DNAJB5: variants seen among roughly 807,000 people sequenced by gnomAD.
DNAJB5 encodes DnaJ heat shock protein family (Hsp40) member B5, also known as dnaJ homolog subfamily B member 5.
In DNAJB5, 12 loss-of-function variants were observed where a neutral mutation model predicts 32.6. The observed-to-expected ratio is 0.37, with a 90% CI of 0.24 to 0.60. The LOEUF (loss-of-function observed/expected upper bound fraction) is 0.60. Ranked by LOEUF, DNAJB5 falls within the 20% of genes least tolerant of loss-of-function variation. The probability of loss-of-function intolerance (pLI) is 0.71; values close to 1 mark genes in which losing one functional copy is unlikely to be tolerated. For synonymous variants in DNAJB5, 188 were observed against 212.9 expected (o/e 0.88, Z 1.02); for missense variants, 358 against 554.2 (o/e 0.65, Z 3.55).
Position 34,989,830 on chromosome 9 carries a change from C to T in DNAJB5, c.-134C>T, listed in dbSNP as rs932218405. The T allele has an allele frequency of 2.0e-5, 25 of 1,233,798 alleles. No homozygotes were observed. In the African/African-American group the frequency reaches 2.2e-4, roughly 11 times the overall value. The allele number at this position is 1,233,798 out of a possible 1,614,324, so 76.4% of individuals were successfully genotyped here. On this transcript the variant is annotated splice_region_variant and 5_prime_UTR_variant, in exon 1 of 5. Transcript: ENST00000682809. ...CACGGCGGCGCCCGCAGCTCCTCAC[C>T]GGTGAGGGCGCCAAGCCAGGACTCG...
chr9:34,995,376 C>A (rs987541270), intron 3 of DNAJB5, among the ~76,000 whole-genome samples: 8 of 152,190 alleles, frequency 5.3e-5, no homozygotes, highest in African/African-American at 1.7e-4. Flanking sequence ...CCAGCACCCC[C>A]TCCTGTGCAT....
At chr9:34,992,673 T>C (rs1041431703) in intron 2 of DNAJB5, 4 of 541,708 alleles carry the variant, frequency 7.4e-6, no homozygotes, top group African/African-American at 6.2e-5. Context: ...CAGACACCCA[T>C]TCCCTGACTC....
Position 34,997,158 on chromosome 9 carries a change from A to G in DNAJB5, c.1162A>G (p.Thr388Ala), listed in dbSNP as rs1193212132. The G allele has an allele frequency of 6.2e-7, 1 of 1,614,014 alleles. No homozygotes were observed. The highest frequency in any genetic ancestry group is 1.3e-5 in the African/African-American group (1 of 74,894). ...GEGLPFPKVP[T>A]QRGDLIVEFK... ...GGGCCTTCCCTTCCCCAAAGTGCCA[A>G]CTCAGCGAGGAGACCTCATTGTTGA... Residue 388 changes from threonine to alanine, a missense_variant, in exon 5 of 5, where the codon ACT becomes GCT. Physicochemically the swap from Thr to Ala is moderately conservative, Grantham distance 58. Transcript: ENST00000682809. This position sits in a 1 kb window ranked among gnomAD's most constrained non-coding sequence, Gnocchi z 4.1.
chr9:34,990,548 G>A lies in DNAJB5; in HGVS notation c.-83G>A. On this transcript the variant is annotated 5_prime_UTR_variant, in exon 2 of 5. Transcript: ENST00000682809. This position sits in a 1 kb window ranked among gnomAD's most constrained non-coding sequence, Gnocchi z 4.5. ...GGCCTTGCTGGGCACGCGCCTCTGA[G>A]AGTCCAAGGAGGTGGCTTCCAGAGC... The A allele has an allele frequency of 6.5e-7, 1 of 1,548,992 alleles. No homozygotes were observed. The highest frequency in any genetic ancestry group is 8.7e-7 in the Non-Finnish European group (1 of 1,146,856).
chr9:34,996,293 T>C lies in DNAJB5; in HGVS notation c.456T>C (p.Gly152=), dbSNP rs1157115784. 1.9e-6 allele frequency: 3 copies of C among 1,613,672 alleles called. No homozygotes were observed. Among genetic ancestry groups the C allele is most frequent in the Admixed American group, 1.7e-5 (1 of 60,006 alleles). Residue 152 remains glycine, a synonymous_variant, in exon 4 of 5, where the codon GGT becomes GGC. Transcript: ENST00000682809. The surrounding 1 kb of genome is among the most constrained non-coding windows in gnomAD (Gnocchi z 7.2). ...EGLKTGGGTS[G]GSSGSFHYTF... Reference sequence around the variant, plus strand: ...TGAAGACCGGCGGTGGCACATCAGGTGGCTCCAGTGGCTCCTTTCACTACA... The same window carrying C: ...TGAAGACCGGCGGTGGCACATCAGGCGGCTCCAGTGGCTCCTTTCACTACA...
At position 34,990,640 on chromosome 9, in the gene DNAJB5, C is replaced by T. The variant is rs991541711; in HGVS notation, c.10C>T (p.Arg4Cys). Residue 4 changes from arginine (R) to cysteine (C), a missense_variant, in exon 2 of 5, where the codon CGC becomes TGC. By Grantham distance (180) the Arg-to-Cys change is radical (BLOSUM62 -3). Coordinates refer to ENST00000682809, the MANE Select transcript of DNAJB5 (RefSeq NM_001349723.3). The surrounding 1 kb of genome is among the most constrained non-coding windows in gnomAD (Gnocchi z 4.5). MFK[R>C]TVLSCPPPAA... ...AGGGGCTTGGCTGGGCATGTTTAAG[C>T]GCACAGTGCTCTCCTGCCCACCCCC... 8.4e-6 allele frequency: 13 copies of T among 1,551,446 alleles called. No homozygotes were observed. The highest frequency in any genetic ancestry group is 1.4e-5 in the African/African-American group (1 of 73,030).
chr9:34,991,160 C>T, intron 2 of DNAJB5: 1 of 416,760 alleles, frequency 2.4e-6, no homozygotes, highest in Non-Finnish European at 4.7e-6. Flanking sequence ...CATCTCCCCT[C>T]CCTGTACCTC....
In DNAJB5 at chr9:34,989,796, C is replaced by T. The variant is rs922138958; in HGVS notation, c.-168C>T. 2.4e-6 allele frequency: 3 copies of T among 1,231,672 alleles called. No homozygotes were observed. The African/African-American group carries it at 4.7e-5, about 19-fold the overall frequency. 76.3% of individuals were successfully genotyped at this position (1,231,672 alleles called of 1,614,324 possible). On this transcript the variant is annotated 5_prime_UTR_variant, in exon 1 of 5. Coordinates refer to ENST00000682809, the MANE Select transcript of DNAJB5 (RefSeq NM_001349723.3). ...AGCCGGGGGAGGGGGCAGCGGCTGT[C>T]TCACGGACCACGGCGGCGCCCGCAG...
chr9:34,998,867 T>C (rs913212995), downstream of DNAJB5: 2 of 141,976 alleles, frequency 1.4e-5, no homozygotes, highest in African/African-American at 5.3e-5. Flanking sequence ...CAGGCTGGAG[T>C]GCAGTGATGC....
intron 2 of DNAJB5, chr9:34,992,829 A>G (rs1827690831): frequency 6.6e-6 from 7 of 1,066,186 alleles, no homozygotes; most frequent in Non-Finnish European, 6.8e-6. Context: ...CGTTACACTG[A>G]CCTTCGCCAG....
Position 34,993,388 on chromosome 9 carries a change from A to G in DNAJB5, c.371A>G (p.Tyr124Cys). ...AAGTTTAAGGAGATTGCAGAGGCCT[A>G]TGATGTGCTAAGTGACCCCAAGAAA... ...EEKFKEIAEA[Y>C]DVLSDPKKRG... is the part of the protein sequence containing the mutation. Residue 124 changes from tyrosine (Y) to cysteine (C), a missense_variant, in exon 3 of 5, where the codon TAT (tyrosine) becomes TGT (cysteine). Physicochemically the swap from Tyr to Cys is radical, Grantham distance 194 (BLOSUM62 -2). Coordinates refer to ENST00000682809, the MANE Select transcript of DNAJB5 (RefSeq NM_001349723.3). This position sits in a 1 kb window ranked among gnomAD's most constrained non-coding sequence, Gnocchi z 4.7. The G allele has an allele frequency of 6.2e-7, 1 of 1,614,050 alleles. No homozygotes were observed. Among genetic ancestry groups the G allele is most frequent in the Non-Finnish European group, 8.5e-7 (1 of 1,180,004 alleles).
chr9:34,990,615 AG>A lies in DNAJB5; in HGVS notation c.-12del, dbSNP rs1409828665. ...GGCTCCGGTGGAGCGATCAGAGGTG[AG>A]GGGCTTGGCTGGGCATGTTTAAGCG... On this transcript the variant is annotated 5_prime_UTR_variant, in exon 2 of 5. Transcript: ENST00000682809. The surrounding 1 kb of genome is among the most constrained non-coding windows in gnomAD (Gnocchi z 4.5). 9 of 1,551,340 alleles carry A rather than the reference AG, an allele frequency of 5.8e-6. No individual in the cohort carries two copies. Among genetic ancestry groups the A allele is most frequent in the African/African-American group, 1.4e-5 (1 of 73,000 alleles).
At position 34,990,429 on chromosome 9, in the gene DNAJB5, CAG is replaced by C; in HGVS notation, c.-132-68_-132-67del. ...TGCCATACAGCCGCTCACAGCCAGC[CAG>C]ACACTGCTGCACCTGAGAGCAGGTG... is the stretch of plus-strand genomic sequence containing the variant. On this transcript the variant is annotated intron_variant, in intron 1 of 4. Transcript: ENST00000682809. The surrounding 1 kb of genome is among the most constrained non-coding windows in gnomAD (Gnocchi z 4.5). 6.5e-7 allele frequency: 1 copy of C among 1,532,890 alleles called. No individual in the cohort carries two copies. The highest frequency in any genetic ancestry group is 2.5e-5 in the East Asian group (1 of 40,756). The allele number at this position is 1,532,890 out of a possible 1,614,324, so 95.0% of individuals were successfully genotyped here.
rs1382324090 is a variant in DNAJB5, at chr9:34,998,421, T to TA, written c.*1167dup. The stretch of plus-strand genomic sequence containing the variant: ...GTATTATGTAAAAAATAAAGTATTT[T>TA]AAAAATATGGCATCTGAGCAGGAGC... On this transcript the variant is annotated 3_prime_UTR_variant, in exon 5 of 5. Coordinates refer to ENST00000682809, the MANE Select transcript of DNAJB5 (RefSeq NM_001349723.3). 2 of 152,510 alleles carry TA rather than the reference T, an allele frequency of 1.3e-5. No homozygotes were observed. The highest frequency in any genetic ancestry group is 2.9e-5 in the Non-Finnish European group (2 of 68,026). 9.4% of individuals were successfully genotyped at this position (152,510 alleles called of 1,614,324 possible).
chr9:34,997,443 G>C lies in DNAJB5; in HGVS notation c.*184G>C, dbSNP rs1195989827. On this transcript the variant is annotated 3_prime_UTR_variant, in exon 5 of 5. Transcript: ENST00000682809. The surrounding 1 kb of genome is among the most constrained non-coding windows in gnomAD (Gnocchi z 4.1). The stretch of plus-strand genomic sequence containing the variant: ...CTTTTAGAGCTGGGCTGCCTGGGGG[G>C]AGTGGGAGGGAGGTGGGGAGAGCTA... 3 of 732,792 alleles carry C rather than the reference G, an allele frequency of 4.1e-6. No individual in the cohort carries two copies. Among genetic ancestry groups the C allele is most frequent in the Non-Finnish European group, 7.2e-6 (3 of 414,468 alleles). 45.4% of individuals were successfully genotyped at this position (732,792 alleles called of 1,614,324 possible).
In DNAJB5 at chr9:34,993,990, G is replaced by A. The variant is rs1439832200; in HGVS notation, c.427+546G>A. On this transcript the variant is annotated intron_variant, in intron 3 of 4. Transcript: ENST00000682809. The surrounding 1 kb of genome is among the most constrained non-coding windows in gnomAD (Gnocchi z 4.7). ...GTGGCAGGGATCCAAGGGTGGACGG[G>A]GAACTGCTGCTGGCATCTTCCCCCT... 6.6e-6 allele frequency among the ~76,000 whole-genome samples: 1 copy of A among 152,220 alleles called. No homozygotes were observed. Among genetic ancestry groups the A allele is most frequent in the Non-Finnish European group, 1.5e-5 (1 of 68,042 alleles).
In DNAJB5 at chr9:34,990,114, C is replaced by A; in HGVS notation, c.-133+283C>A. On this transcript the variant is annotated intron_variant, in intron 1 of 4. Transcript: ENST00000682809. The surrounding 1 kb of genome is among the most constrained non-coding windows in gnomAD (Gnocchi z 4.5). Reference sequence around the variant, plus strand: ...AGGCATCTGTGAGCAGACCAGCCAGCCAGCGCGGGTGACATCACCGACCAC... The same window carrying A: ...AGGCATCTGTGAGCAGACCAGCCAGACAGCGCGGGTGACATCACCGACCAC... 1.3e-6 allele frequency: 1 copy of A among 784,622 alleles called. No homozygotes were observed. The highest frequency in any genetic ancestry group is 1.9e-6 in the Non-Finnish European group (1 of 517,926). The allele number at this position is 784,622 out of a possible 1,614,324, so 48.6% of individuals were successfully genotyped here.
chr9:34,990,677 C>CA lies in DNAJB5; in HGVS notation c.48dup (p.Leu17ThrfsTer25). 1 of 1,551,744 alleles carries CA rather than the reference C, an allele frequency of 6.4e-7. No individual in the cohort carries two copies. Among genetic ancestry groups the CA allele is most frequent in the Non-Finnish European group, 8.7e-7 (1 of 1,146,996 alleles). ...TCCTGCCCACCCCCAGCAGCACCCC[C>CA]ACTGCAGGCCCGAGGAGCTTTCCGG... On this transcript the variant is annotated frameshift_variant, in exon 2 of 5. Transcript: ENST00000682809. LOFTEE classifies it high-confidence loss of function. The surrounding 1 kb of genome is among the most constrained non-coding windows in gnomAD (Gnocchi z 4.5).
rs769040530 is a variant in DNAJB5, at chr9:34,996,319, C to T, written c.482C>T (p.Thr161Ile). ...GGCTCCAGTGGCTCCTTTCACTACA[C>T]CTTTCATGGGGACCCCCATGCCACC... Reference protein sequence around the residue: ...SGGSSGSFHYTFHGDPHATFA... With the variant: ...SGGSSGSFHYIFHGDPHATFA... Residue 161 changes from threonine to isoleucine, a missense_variant, in exon 4 of 5, where the codon ACC (threonine) becomes ATC (isoleucine). This residue lies in a region of DNAJB5 where 248 missense variants were observed against 442.6 expected (regional missense o/e 0.56). Transcript: ENST00000682809. The surrounding 1 kb of genome is among the most constrained non-coding windows in gnomAD (Gnocchi z 7.2). 2.5e-6 allele frequency: 4 copies of T among 1,614,164 alleles called. No individual in the cohort carries two copies. The highest frequency in any genetic ancestry group is 2.2e-5 in the East Asian group (1 of 44,866).
Sources: allele counts gnomAD v4.1 joint callset (sites outside exome capture counted in the v4.1 genomes callset), GRCh38; gene constraint gnomAD v4.1.1; regional missense constraint gnomAD v4.1.1; non-coding constraint Gnocchi (gnomAD v3.1); transcripts MANE v1.5; gene names NCBI Gene and HGNC (gene_info 2026-07-23, HGNC 2026-07-21).